Variants in EDARADD observed in about 807,000 individuals in gnomAD.
EDARADD encodes the protein ectodysplasin-A receptor-associated adapter protein.
In EDARADD, 20 loss-of-function variants were observed where a neutral mutation model predicts 25.6. That is an observed-to-expected ratio of 0.78 (90% CI 0.55 to 1.14). The LOEUF (loss-of-function observed/expected upper bound fraction) is 1.14, where lower values mean the gene tolerates loss of function less well. Among genes scored for constraint, EDARADD ranks in the 50% most tolerant of loss-of-function variants. EDARADD has a pLI of 0.00. For missense variants in EDARADD, 225 were observed against 270.1 expected (o/e 0.83, Z 1.17); for synonymous variants, 86 against 94.4 (o/e 0.91, Z 0.52).
upstream of EDARADD, among the ~76,000 whole-genome samples, chr1:236,390,099 T>C (rs936624241): frequency 6.6e-6 from 1 of 152,168 alleles, no homozygotes; most frequent in Admixed American, 6.5e-5. Flanking sequence ...CACTGATGTG[T>C]AGGAGCTAAG....
intron 5 of EDARADD, among the ~76,000 whole-genome samples, chr1:236,476,680 C>T (rs1659517720): frequency 6.6e-6 from 1 of 152,112 alleles, no homozygotes; most frequent in Non-Finnish European, 1.5e-5. Context: ...CATGTGCCAC[C>T]ACACCCGGCT....
intron 5 of EDARADD, among the ~76,000 whole-genome samples, chr1:236,471,115 A>G (rs1659348170): frequency 6.6e-6 from 1 of 152,068 alleles, no homozygotes; most frequent in African/African-American, 2.4e-5. Flanking sequence ...GTTTTATTCT[A>G]TGACAAAATT....
chr1:236,383,664 A>AT (rs913332963), intron 3 of EDARADD, among the ~76,000 whole-genome samples: 2 of 151,916 alleles, frequency 1.3e-5, no homozygotes, highest in Non-Finnish European at 2.9e-5. Context: ...TACAGACTGG[A>AT]TTTTTTTTCT....
chr1:236,481,580 T>G, intron 5 of EDARADD, among the ~76,000 whole-genome samples: 1 of 139,716 alleles, frequency 7.2e-6, no homozygotes, highest in African/African-American at 2.7e-5. Context: ...CTGGGAAACA[T>G]GGTGAAACCC....
intron 1 of EDARADD, among the ~76,000 whole-genome samples, chr1:236,405,747 TTCTTTCTTTC>T (rs1253651706): frequency 2.0e-5 from 1 of 49,638 alleles, no homozygotes; most frequent in Non-Finnish European, 4.6e-5. Context: ...CTTTCTTTCT[TTCTTTCTTTC>T]TTTCTTTCTT....
At chr1:236,355,620 G>A (rs1666966270) in intron 3 of EDARADD, among the ~76,000 whole-genome samples, 1 of 139,038 alleles carries the variant, frequency 7.2e-6, no homozygotes, top group African/African-American at 2.7e-5. Flanking sequence ...GGTGATTCTT[G>A]TGACTCAGCC....
At chr1:236,396,991 C>A (rs115244405) in intron 1 of EDARADD, among the ~76,000 whole-genome samples, 4 of 149,740 alleles carry the variant, frequency 2.7e-5, no homozygotes, top group Admixed American at 1.3e-4. Context: ...TGGGGGAATT[C>A]AAAAAGATCT....
chr1:236,482,566 G>A lies in EDARADD; in HGVS notation c.565G>A (p.Ala189Thr), dbSNP rs371177909. Reference protein sequence around the residue: ...LMELCRLYHRADVEKVLRRWV... With the variant: ...LMELCRLYHRTDVEKVLRRWV... ...GGAGCTCTGCAGGCTCTACCACAGGGCCGACGTGGAGAAGGTTCTGCGCAG... is the reference window on the plus strand; with the variant it reads ...GGAGCTCTGCAGGCTCTACCACAGGACCGACGTGGAGAAGGTTCTGCGCAG... Residue 189 changes from alanine to threonine, a missense_variant, in exon 6 of 6, where the codon GCC (alanine) becomes ACC (threonine). Coordinates refer to ENST00000334232, the MANE Select transcript of EDARADD (RefSeq NM_145861.4). The A allele has an allele frequency of 5.0e-6, 8 of 1,613,650 alleles. No homozygotes were observed. Among genetic ancestry groups the A allele is most frequent in the Non-Finnish European group, 6.8e-6 (8 of 1,179,970 alleles).
At chr1:236,358,131 A>G (rs1447356863) in intron 3 of EDARADD, among the ~76,000 whole-genome samples, 1 of 152,178 alleles carries the variant, frequency 6.6e-6, no homozygotes, top group East Asian at 1.9e-4. Context: ...TTCACCTCCC[A>G]AAGTGCTAGG....
chr1:236,426,788 G>A (rs954381448), intron 3 of EDARADD, among the ~76,000 whole-genome samples: 4 of 152,146 alleles, frequency 2.6e-5, no homozygotes, highest in Non-Finnish European at 5.9e-5. Flanking sequence ...CCAGATACTT[G>A]GGAGGCTGAG....
chr1:236,434,364 G>C (rs1336426895), intron 4 of EDARADD, among the ~76,000 whole-genome samples: 2 of 151,830 alleles, frequency 1.3e-5, no homozygotes, highest in Admixed American at 1.3e-4. Context: ...CGGCCTCCCT[G>C]GTAGCTGGGA....
intron 3 of EDARADD, among the ~76,000 whole-genome samples, chr1:236,386,868 A>G (rs1367327281): frequency 6.2e-5 from 4 of 64,990 alleles, no homozygotes; most frequent in African/African-American, 5.5e-5. Context: ...TCCGGGAGGG[A>G]GGTGGGGGGT....
intron 3 of EDARADD, among the ~76,000 whole-genome samples, chr1:236,370,962 TGGA>T (rs1414515560): frequency 6.6e-6 from 1 of 152,240 alleles, no homozygotes; most frequent in African/African-American, 2.4e-5. Flanking sequence ...AAGGACAGCT[TGGA>T]GGTTAGAAGC....
At chr1:236,368,440 C>CTTTTTTT (rs59201705) in intron 3 of EDARADD, among the ~76,000 whole-genome samples, 105 of 124,090 alleles carry the variant, frequency 8.5e-4, no homozygotes, top group East Asian at 1.9e-3. Flanking sequence ...CCAGTCTTTT[C>CTTTTTTT]TTTTTTTTTT....
chr1:236,484,139 A>C lies in EDARADD; in HGVS notation c.*1490A>C. On this transcript the variant is annotated 3_prime_UTR_variant, in exon 6 of 6. Coordinates refer to ENST00000334232, the MANE Select transcript of EDARADD (RefSeq NM_145861.4). The surrounding 1 kb of genome is among the most constrained non-coding windows in gnomAD (Gnocchi z 4.1). Reference sequence around the variant, plus strand: ...AGGATGATCTCAGAGTGACCAACCCAAAGAGGACAGCCTCGGCCGTGAATG... The same window carrying C: ...AGGATGATCTCAGAGTGACCAACCCCAAGAGGACAGCCTCGGCCGTGAATG... 7.0e-7 allele frequency: 1 copy of C among 1,428,140 alleles called. No individual in the cohort carries two copies. Among genetic ancestry groups the C allele is most frequent in the Admixed American group, 1.7e-5 (1 of 59,556 alleles). 88.5% of individuals were successfully genotyped at this position (1,428,140 alleles called of 1,614,324 possible).
intron 3 of EDARADD, among the ~76,000 whole-genome samples, chr1:236,424,220 GGT>G (rs2103014840): frequency 6.9e-6 from 1 of 144,216 alleles, no homozygotes; most frequent in Non-Finnish European, 1.5e-5. Context: ...GGGGTGCGGT[GGT>G]GTGATCATGG....
intron 4 of EDARADD, among the ~76,000 whole-genome samples, chr1:236,435,871 A>T (rs1037214732): frequency 6.6e-6 from 1 of 152,222 alleles, no homozygotes; most frequent in Non-Finnish European, 1.5e-5. Flanking sequence ...TATTGATAAC[A>T]TATGTTTGGT....
rs146661697 is a variant in EDARADD at position 236,361,635 on chromosome 1, T to TTATATATATA, written c.-6+10802_-6+10811dup. ...GTGAGCCACCACGCACAGCCAAATT[T>TTATATATATA]TATATATATATATATTCCTTCATAC... On this transcript the variant is annotated intron_variant, in intron 3 of 7. Coordinates refer to the EDARADD transcript ENST00000439430. Among the ~76,000 whole-genome samples, 27 of 134,202 alleles carry TTATATATATA rather than the reference T, an allele frequency of 2.0e-4. 1 individual carries two copies. The highest frequency in any genetic ancestry group is 1.6e-3 in the South Asian group (7 of 4,252). The allele number at this position is 134,202 out of a possible 152,430, so 88.0% of individuals were successfully genotyped here. A position where few individuals can be genotyped will look rare whatever the true frequency, so the allele number is the denominator to read the frequency against.
chr1:236,435,929 A>G (rs910679557), intron 4 of EDARADD, among the ~76,000 whole-genome samples: 4 of 152,178 alleles, frequency 2.6e-5, no homozygotes, highest in African/African-American at 7.2e-5. Context: ...GTAAGCTGGC[A>G]AGGAAGTCAA....
Sources: allele counts gnomAD v4.1 joint callset (sites outside exome capture counted in the v4.1 genomes callset), GRCh38; gene constraint gnomAD v4.1.1; non-coding constraint Gnocchi (gnomAD v3.1); transcripts MANE v1.5; gene names NCBI Gene and HGNC (gene_info 2026-07-23, HGNC 2026-07-21).